Variants in FRMD5 observed in about 807,000 individuals in gnomAD.
The protein encoded by FRMD5 is FERM domain containing 5, also known as FERM domain-containing protein 5.
In FRMD5, 20 loss-of-function variants were observed where a neutral mutation model predicts 69.0. The ratio of observed to expected loss-of-function variants is 0.29; its 90% CI spans 0.20 to 0.42. The LOEUF (loss-of-function observed/expected upper bound fraction) is 0.42. Among genes scored for constraint, FRMD5 ranks in the 10% least tolerant of loss-of-function variants. The probability of loss-of-function intolerance (pLI) is 1.00; values close to 1 mark genes in which losing one functional copy is unlikely to be tolerated. For missense variants in FRMD5, 595 were observed against 708.6 expected, an observed-to-expected ratio of 0.84 and a Z score of 1.82; for synonymous variants, 271 against 260.1, an observed-to-expected ratio of 1.04 and a Z score of -0.40.
intron 3 of FRMD5, 42 bp downstream of exon 3, chr15:43,919,724 TC>T (rs747473900): frequency 1.6e-5 from 25 of 1,592,754 alleles, no homozygotes; most frequent in Middle Eastern, 1.7e-4. Context: ...CGTCCCACCC[TC>T]CCCAGGGGTG....
intron 1 of FRMD5, among the ~76,000 whole-genome samples, chr15:44,147,255 C>T (rs772263087): frequency 4.6e-5 from 7 of 152,128 alleles, no homozygotes; most frequent in Non-Finnish European, 8.8e-5. Flanking sequence ...AATCCTTTCT[C>T]TGTTGCTTGT....
intron 1 of FRMD5, chr15:43,990,313 C>CT (rs1206433358): frequency 3.9e-6 from 1 of 256,328 alleles, no homozygotes; most frequent in Non-Finnish European, 7.6e-6. Flanking sequence ...ATTTGTCTGA[C>CT]TTTGCTTTTT....
intron 1 of FRMD5, among the ~76,000 whole-genome samples, chr15:44,182,095 C>T (rs921640911): frequency 1.3e-5 from 2 of 151,668 alleles, no homozygotes; most frequent in African/African-American, 4.8e-5. Context: ...ACTGCAACCT[C>T]CATCTCCCAG....
At chr15:44,123,591 T>A (rs961082592) in intron 1 of FRMD5, among the ~76,000 whole-genome samples, 1 of 152,110 alleles carries the variant, frequency 6.6e-6, no homozygotes, top group Admixed American at 6.5e-5. Flanking sequence ...TTTTAAAAAA[T>A]AAAGAAACCA....
intron 7 of FRMD5, among the ~76,000 whole-genome samples, chr15:43,892,486 CAG>C (rs1023742032): frequency 2.0e-5 from 3 of 152,186 alleles, no homozygotes; most frequent in African/African-American, 7.2e-5. Context: ...AGTATGTGCT[CAG>C]AGATTTAAAA....
chr15:43,900,010 T>G (rs1489461655), intron 7 of FRMD5, among the ~76,000 whole-genome samples: 1 of 152,144 alleles, frequency 6.6e-6, no homozygotes, highest in Non-Finnish European at 1.5e-5. Context: ...AAGAGGTGGG[T>G]GCTATGTGTG....
chr15:44,154,336 A>T (rs755939081), intron 1 of FRMD5, among the ~76,000 whole-genome samples: 10 of 152,104 alleles, frequency 6.6e-5, no homozygotes, highest in Non-Finnish European at 1.5e-4. Flanking sequence ...AAAAACAAAC[A>T]AAGAAAAAAA....
At position 44,195,056 on chromosome 15, in the gene FRMD5, T is replaced by C; in HGVS notation, c.-2A>G. 1.3e-6 allele frequency: 2 copies of C among 1,524,918 alleles called. No homozygotes were observed. The highest frequency in any genetic ancestry group is 2.5e-5 in the East Asian group (1 of 39,406). The allele number at this position is 1,524,918 out of a possible 1,614,324, so 94.5% of individuals were successfully genotyped here. ...GCCGCTCATCAACCTGCTCAGCATC[T>C]TCCCGCCCGCCCGCCCGGGAGCGAC... On this transcript the variant is annotated 5_prime_UTR_variant, in exon 1 of 14. Coordinates refer to ENST00000417257, the MANE Select transcript of FRMD5 (RefSeq NM_032892.5).
intron 1 of FRMD5, among the ~76,000 whole-genome samples, chr15:44,120,960 C>A (rs942725605): frequency 1.3e-5 from 2 of 151,966 alleles, no homozygotes; most frequent in African/African-American, 4.8e-5. Flanking sequence ...TGAACTCAGT[C>A]AACTTATAAA....
At chr15:43,896,309 CTG>C (rs1491519765) in intron 7 of FRMD5, among the ~76,000 whole-genome samples, 1 of 152,248 alleles carries the variant, frequency 6.6e-6, no homozygotes, top group Non-Finnish European at 1.5e-5. Flanking sequence ...CTTCTTTCCT[CTG>C]TGACTTCACT....
At chr15:44,044,680 G>A (rs1223996276) in intron 1 of FRMD5, among the ~76,000 whole-genome samples, 1 of 151,548 alleles carries the variant, frequency 6.6e-6, no homozygotes, top group South Asian at 2.1e-4. Flanking sequence ...ATCAAACACC[G>A]CATGTTCTCA....
At chr15:44,194,056 G>A (rs919626923) in intron 1 of FRMD5, among the ~76,000 whole-genome samples, 3 of 152,180 alleles carry the variant, frequency 2.0e-5, no homozygotes, top group African/African-American at 4.8e-5. Flanking sequence ...CATTGTCAAT[G>A]TTTTCAATCT....
intron 1 of FRMD5, among the ~76,000 whole-genome samples, chr15:44,132,422 G>T (rs763741840): frequency 6.6e-6 from 1 of 152,142 alleles, no homozygotes; most frequent in Admixed American, 6.5e-5. Context: ...AGTACATTAT[G>T]AATGTGTGTG....
chr15:44,160,590 C>A (rs192871887), intron 1 of FRMD5, among the ~76,000 whole-genome samples: 1 of 152,202 alleles, frequency 6.6e-6, no homozygotes, highest in Non-Finnish European at 1.5e-5. Flanking sequence ...TGGTGAGCAT[C>A]TTCCTGTATT....
chr15:44,122,966 T>C (rs1479321768), intron 1 of FRMD5, among the ~76,000 whole-genome samples: 1 of 152,208 alleles, frequency 6.6e-6, no homozygotes, highest in Non-Finnish European at 1.5e-5. Context: ...GCCTTTCATA[T>C]TTTCAGTGAT....
At chr15:43,906,001 C>A (rs553916937) in intron 5 of FRMD5, 50 bp from the exon 6 acceptor site, 2 of 1,611,492 alleles carry the variant, frequency 1.2e-6, no homozygotes, top group African/African-American at 2.7e-5. Context: ...GGTAAATCAT[C>A]ATTGACAAAG....
chr15:43,904,049 A>G (rs1277720891), intron 6 of FRMD5, among the ~76,000 whole-genome samples: 1 of 152,204 alleles, frequency 6.6e-6, no homozygotes, highest in Admixed American at 6.5e-5. Context: ...GGCGGGAAGC[A>G]TCTAAGATTC....
At chr15:44,033,252 G>A (rs1333268060) in intron 1 of FRMD5, among the ~76,000 whole-genome samples, 2 of 152,128 alleles carry the variant, frequency 1.3e-5, no homozygotes, top group Non-Finnish European at 1.5e-5. Context: ...GGGGGAGGAT[G>A]CGAGGAGAGA....
chr15:44,180,882 T>C (rs1338008310), intron 1 of FRMD5, among the ~76,000 whole-genome samples: 1 of 152,176 alleles, frequency 6.6e-6, no homozygotes, highest in Non-Finnish European at 1.5e-5. Flanking sequence ...TATTTATAAG[T>C]AGATAGGTTT....
Sources: allele counts gnomAD v4.1 joint callset (sites outside exome capture counted in the v4.1 genomes callset), GRCh38; gene constraint gnomAD v4.1.1; transcripts MANE v1.5; gene names NCBI Gene and HGNC (gene_info 2026-07-23, HGNC 2026-07-21).